The following LRIG2 variants were observed in gnomAD, a reference collection of about 807,000 sequenced individuals.
LRIG2 encodes leucine-rich repeats and immunoglobulin-like domains protein 2.
LRIG2 carries 93 observed loss-of-function variants against 107.8 expected under a neutral mutation model. The observed-to-expected ratio is 0.86, with a 90% CI of 0.73 to 1.03. The LOEUF is 1.03. Ranked by LOEUF, LRIG2 falls within the 50% of genes least tolerant of loss-of-function variation. LRIG2 has a pLI of 0.00. For synonymous variants in LRIG2, 471 were observed against 470.6 expected, an observed-to-expected ratio of 1.00 and a Z score of -0.01; for missense variants, 1,226 against 1,296.0, an observed-to-expected ratio of 0.95 and a Z score of 0.83.
chr1:113,109,215 C>G (rs1411452023), intron 12 of LRIG2, among the ~76,000 whole-genome samples: 1 of 152,238 alleles, frequency 6.6e-6, no homozygotes, highest in Non-Finnish European at 1.5e-5. Flanking sequence ...TCCCCTTCCA[C>G]TTAACTGCTT....
chr1:113,122,801 G>A (rs899745298), intron 17 of LRIG2, among the ~76,000 whole-genome samples: 1 of 152,184 alleles, frequency 6.6e-6, no homozygotes, highest in South Asian at 2.1e-4. Context: ...GCAAATCAGA[G>A]TCTACATTTT....
Position 113,089,171 on chromosome 1 carries a change from C to G in LRIG2, c.240-2147C>G, listed in dbSNP as rs138655115. ...AAACCTGCATGCATCTGTCAACTGCCTATGGTGGCATAGTGAGATAAAGTG... is the reference window on the plus strand; with the variant it reads ...AAACCTGCATGCATCTGTCAACTGCGTATGGTGGCATAGTGAGATAAAGTG... On this transcript the variant is annotated intron_variant, in intron 1 of 17. Transcript: ENST00000361127. Among the ~76,000 whole-genome samples the G allele has an allele frequency of 2.6e-3, 398 of 152,302 alleles. 2 individuals are homozygous for G. Among genetic ancestry groups the G allele is most frequent in the African/African-American group, 8.4e-3 (351 of 41,564 alleles).
chr1:113,079,835 C>G (rs112811956), intron 1 of LRIG2, among the ~76,000 whole-genome samples: 6 of 143,032 alleles, frequency 4.2e-5, no homozygotes, highest in Non-Finnish European at 7.6e-5. Context: ...CGAGTTCAAG[C>G]GATTCTGCTT....
intron 1 of LRIG2, among the ~76,000 whole-genome samples, chr1:113,077,237 C>T (rs1653020875): frequency 6.6e-6 from 1 of 151,870 alleles, no homozygotes; most frequent in South Asian, 2.1e-4. Flanking sequence ...CTCTGTCGCC[C>T]GGGTTCAAGT....
Position 113,112,709 on chromosome 1 carries a change from G to T in LRIG2, c.2029G>T (p.Ala677Ser). 6.2e-7 allele frequency: 1 copy of T among 1,611,404 alleles called. No homozygotes were observed. Among genetic ancestry groups the T allele is most frequent in the Non-Finnish European group, 8.5e-7 (1 of 1,177,658 alleles). ...AGATATGGGAATCTATAGCTGCATG[G>T]CACAAAATACAGCAGGAGGTCTCTC... ...IEDMGIYSCM[A>S]QNTAGGLSAN... Residue 677 changes from alanine to serine, a missense_variant, in exon 14 of 18, where the codon GCA (alanine) becomes TCA (serine). Transcript: ENST00000361127.
Position 113,131,953 on chromosome 1 carries a change from T to G in LRIG2, c.*7852T>G, listed in dbSNP as rs1261286313. ...ACTATCTTGAAAGAGAAATTGATCA[T>G]CAGATGGTCGAGTACTCTTGGAATG... On this transcript the variant is annotated 3_prime_UTR_variant, in exon 18 of 18. Transcript: ENST00000361127. The G allele has an allele frequency of 6.6e-6, 1 of 152,070 alleles. No individual in the cohort carries two copies. Among genetic ancestry groups the G allele is most frequent in the African/African-American group, 2.4e-5 (1 of 41,402 alleles). 9.4% of individuals were successfully genotyped at this position (152,070 alleles called of 1,614,324 possible). A position where few individuals can be genotyped will look rare whatever the true frequency, so the allele number is the denominator to read the frequency against.
intron 6 of LRIG2, 47 bp from the exon 7 acceptor site, chr1:113,095,827 C>T (rs1654036178): frequency 6.2e-7 from 1 of 1,606,950 alleles, no homozygotes; most frequent in Middle Eastern, 1.6e-4. Flanking sequence ...AGTTATTGAA[C>T]TGCCTTGTTT....
chr1:113,106,883 C>T (rs1179208481), intron 11 of LRIG2, among the ~76,000 whole-genome samples: 1 of 152,128 alleles, frequency 6.6e-6, no homozygotes, highest in African/African-American at 2.4e-5. Context: ...TCTCTCAATG[C>T]TCCAATATAT....
At position 113,117,101 on chromosome 1, in the gene LRIG2, G is replaced by A. The variant is rs115576269; in HGVS notation, c.2680+665G>A. ...CTGACATCCCAACACGTAGAGATGC[G>A]TACCCATACACAGAGTTCTTCTCCC... On this transcript the variant is annotated intron_variant, in intron 16 of 17. Coordinates refer to ENST00000361127, the MANE Select transcript of LRIG2 (RefSeq NM_014813.3). Among the ~76,000 whole-genome samples, 827 of 152,250 alleles carry A rather than the reference G, an allele frequency of 5.4e-3. 11 individuals carry two copies. The highest frequency in any genetic ancestry group is 0.019 in the African/African-American group (772 of 41,540).
intron 5 of LRIG2, 21 bp from the exon 6 acceptor site, chr1:113,094,591 G>A (rs752360811): frequency 2.5e-6 from 4 of 1,604,698 alleles, no homozygotes; most frequent in Admixed American, 1.7e-5. Context: ...TTTCCTGACT[G>A]TAAAACTATT....
intron 12 of LRIG2, among the ~76,000 whole-genome samples, chr1:113,109,611 C>T (rs552517350): frequency 2.6e-5 from 4 of 152,146 alleles, no homozygotes; most frequent in South Asian, 4.2e-4. Flanking sequence ...CTCTACCCCC[C>T]GGGTTCAAGT....
rs796259118 is a variant in LRIG2, at chr1:113,111,951, T to A, written c.1799-528T>A. On this transcript the variant is annotated intron_variant, in intron 13 of 17. Transcript: ENST00000361127. ...GCCTCCCAGGGAAGCATCATTTAGC[T>A]TCATAAGTGAGAGAGTCATAGTAAA... Among the ~76,000 whole-genome samples, 97 of 152,268 alleles carry A rather than the reference T, an allele frequency of 6.4e-4. 1 individual carries two copies. The highest frequency in any genetic ancestry group is 2.2e-3 in the African/African-American group (92 of 41,574).
At chr1:113,118,627 A>G (rs1655113631) in intron 16 of LRIG2, among the ~76,000 whole-genome samples, 1 of 151,878 alleles carries the variant, frequency 6.6e-6, no homozygotes, top group Non-Finnish European at 1.5e-5. Context: ...CTCTGGAGCC[A>G]GAATGGCTGT....
chr1:113,100,516 C>T, intron 11 of LRIG2, 28 bp downstream of exon 11: 1 of 1,277,904 alleles, frequency 7.8e-7, no homozygotes, highest in Non-Finnish European at 1.1e-6. Context: ...TTAAAATCAC[C>T]AGTTGGATCA....
chr1:113,107,969 C>G, intron 12 of LRIG2: 1 of 525,574 alleles, frequency 1.9e-6, no homozygotes, highest in Non-Finnish European at 3.3e-6. Context: ...TAGTCAGATT[C>G]CTGAATCAAG....
At chr1:113,112,803 T>C (rs747368958) in intron 14 of LRIG2, 43 bp downstream of exon 14, 1 of 1,543,242 alleles carries the variant, frequency 6.5e-7, no homozygotes, top group South Asian at 1.2e-5. Context: ...GTTGGAGTCT[T>C]TGGGAGCTAC....
intron 1 of LRIG2, among the ~76,000 whole-genome samples, 157 bp downstream of exon 1, chr1:113,073,802 G>C (rs1431942256): frequency 6.6e-6 from 1 of 152,116 alleles, no homozygotes; most frequent in Non-Finnish European, 1.5e-5. Context: ...TGTTTTAGGT[G>C]GTGGGAGCCT....
Position 113,125,246 on chromosome 1 carries a change from T to C in LRIG2, c.*1145T>C, listed in dbSNP as rs894557741. On this transcript the variant is annotated 3_prime_UTR_variant, in exon 18 of 18. Coordinates refer to ENST00000361127, the MANE Select transcript of LRIG2 (RefSeq NM_014813.3). The stretch of plus-strand genomic sequence containing the variant: ...TATAGAGGCAGCTACTTAGTGATTG[T>C]ATACACATAAACACAGTCTTGGTGT... 3.3e-5 allele frequency: 5 copies of C among 152,216 alleles called. No homozygotes were observed. The highest frequency in any genetic ancestry group is 2.4e-5 in the African/African-American group (1 of 41,470). The allele number at this position is 152,216 out of a possible 1,614,324, so 9.4% of individuals were successfully genotyped here. A position where few individuals can be genotyped will look rare whatever the true frequency, so the allele number is the denominator to read the frequency against.
rs1351034328 is a variant in LRIG2, at chr1:113,128,878, A to G, written c.*4777A>G. 6.6e-6 allele frequency: 1 copy of G among 152,168 alleles called. No individual in the cohort carries two copies. The highest frequency in any genetic ancestry group is 2.4e-5 in the African/African-American group (1 of 41,446). The allele number at this position is 152,168 out of a possible 1,614,324, so 9.4% of individuals were successfully genotyped here. On this transcript the variant is annotated 3_prime_UTR_variant, in exon 18 of 18. Transcript: ENST00000361127. Reference sequence around the variant, plus strand: ...TTCTAATGTATTCGAAGTTATCCCTATAATTATATTACTCTCGCTCAAATT... The same window carrying G: ...TTCTAATGTATTCGAAGTTATCCCTGTAATTATATTACTCTCGCTCAAATT...
Sources: gnomAD v4.1 joint callset for allele counts (sites outside exome capture counted in the v4.1 genomes callset) on GRCh38, gnomAD v4.1.1 for gene constraint, MANE v1.5 for transcripts, NCBI Gene and HGNC (gene_info 2026-07-23, HGNC 2026-07-21) for gene names.